Variants in IFT27 observed in about 807,000 individuals in gnomAD.
The protein encoded by IFT27 is intraflagellar transport 27.
IFT27 carries 19 observed loss-of-function variants against 23.9 expected under a neutral mutation model. The ratio of observed to expected loss-of-function variants is 0.79; its 90% CI spans 0.55 to 1.16. The LOEUF (loss-of-function observed/expected upper bound fraction) is 1.16, where lower values mean the gene tolerates loss of function less well. Among genes scored for constraint, IFT27 ranks in the 50% most tolerant of loss-of-function variants. IFT27 has a pLI of 0.00. For missense variants in IFT27, 206 were observed against 228.7 expected (o/e 0.90, Z 0.64); for synonymous variants, 91 against 89.1 (o/e 1.02, Z -0.12).
chr22:36,763,588 C>A, intron 5 of IFT27: 1 of 428,018 alleles, frequency 2.3e-6, no homozygotes, highest in Non-Finnish European at 4.4e-6. Flanking sequence ...TTTACTTGTA[C>A]CCCATATACA....
intron 6 of IFT27, chr22:36,761,767 T>C (rs549958924): frequency 6.6e-6 from 1 of 152,334 alleles, no homozygotes; most frequent in South Asian, 2.1e-4. Context: ...CCTTTACTGC[T>C]GTACTTTCCC....
At chr22:36,772,716 G>C (rs534136951) in intron 1 of IFT27, 3 of 984,762 alleles carry the variant, frequency 3.0e-6, no homozygotes, top group Non-Finnish European at 2.4e-6. Context: ...GGTGCTCAGC[G>C]AGTATCTGTT....
At chr22:36,762,235 G>A (rs1222002416) in intron 6 of IFT27, 1 of 152,266 alleles carries the variant, frequency 6.6e-6, no homozygotes, top group Non-Finnish European at 1.5e-5. Context: ...CAGGAAGCAG[G>A]TTCCTCAGTG....
intron 1 of IFT27, among the ~76,000 whole-genome samples, chr22:36,770,608 C>T (rs1348797789): frequency 6.6e-6 from 1 of 152,228 alleles, no homozygotes; most frequent in African/African-American, 2.4e-5. Context: ...CTGCCCCCAT[C>T]ACCCAAGCTT....
chr22:36,760,075 A>G (rs1938040687), intron 6 of IFT27: 1 of 152,270 alleles, frequency 6.6e-6, no homozygotes, highest in Non-Finnish European at 1.5e-5. Context: ...GTAAGCTCCC[A>G]ACAGCCAAGG....
Position 36,775,654 on chromosome 22 carries a change from G to A in IFT27, c.34+20C>T, listed in dbSNP as rs1377715879. On this transcript the variant is annotated intron_variant, in intron 1 of 6. Coordinates refer to ENST00000433985, the MANE Select transcript of IFT27 (RefSeq NM_001177701.3). The stretch of plus-strand genomic sequence containing the variant: ...GGACTCCAGAGACCACCGTATTCAA[G>A]CGCAAGTTTTCAGACTCACCTGCCA... 1.9e-6 allele frequency: 3 copies of A among 1,613,940 alleles called. No homozygotes were observed. The highest frequency in any genetic ancestry group is 3.3e-5 in the Admixed American group (2 of 60,022).
chr22:36,763,182 C>T lies in IFT27; in HGVS notation c.353-169G>A, dbSNP rs1938144595. Reference sequence around the variant, plus strand: ...AAAGCCGGGGGTCTCTCGTGATGGCCCCAAGGGCCACAGAGAGACAGGTGG... The same window carrying T: ...AAAGCCGGGGGTCTCTCGTGATGGCTCCAAGGGCCACAGAGAGACAGGTGG... On this transcript the variant is annotated intron_variant, in intron 5 of 6. Transcript: ENST00000433985. 7 of 466,150 alleles carry T rather than the reference C, an allele frequency of 1.5e-5. No homozygotes were observed. The Admixed American group carries it at 2.8e-4, about 19-fold the overall frequency. The allele number at this position is 466,150 out of a possible 1,614,324, so 28.9% of individuals were successfully genotyped here.
At chr22:36,772,844 C>A (rs1938415990) in intron 1 of IFT27, 2 of 945,504 alleles carry the variant, frequency 2.1e-6, no homozygotes, top group Non-Finnish European at 2.5e-6. Flanking sequence ...AAAAATAAAA[C>A]CAATGGCATG....
chr22:36,767,281 T>TC (rs1938276424), intron 3 of IFT27, 25 bp downstream of exon 3: 1 of 1,605,718 alleles, frequency 6.2e-7, no homozygotes, highest in Admixed American at 1.7e-5. Context: ...AGCCCTGAGT[T>TC]CCCCTGGGTA....
chr22:36,775,352 CTTTG>C (rs1344271722), intron 1 of IFT27, among the ~76,000 whole-genome samples: 1 of 151,462 alleles, frequency 6.6e-6, no homozygotes. Flanking sequence ...TTTGCTTAAG[CTTTG>C]TTTGTTTTGT....
intron 6 of IFT27, chr22:36,759,767 G>A (rs919425607): frequency 1.1e-4 from 16 of 152,242 alleles, no homozygotes; most frequent in African/African-American, 3.6e-4. Flanking sequence ...GGCATCAAGC[G>A]CGGTGCCTTC....
At chr22:36,773,352 T>C (rs1181295162) in intron 1 of IFT27, among the ~76,000 whole-genome samples, 1 of 136,458 alleles carries the variant, frequency 7.3e-6, no homozygotes, top group Non-Finnish European at 1.5e-5. Context: ...AGAGTGAAAT[T>C]ACGCCTCAAA....
intron 1 of IFT27, among the ~76,000 whole-genome samples, chr22:36,769,712 C>A (rs1224563917): frequency 6.6e-6 from 1 of 152,174 alleles, no homozygotes; most frequent in Non-Finnish European, 1.5e-5. Context: ...GCAACCACAG[C>A]CTAGACTGTC....
At chr22:36,768,838 A>G (rs1340494107) in intron 1 of IFT27, among the ~76,000 whole-genome samples, 2 of 152,172 alleles carry the variant, frequency 1.3e-5, no homozygotes, top group Non-Finnish European at 2.9e-5. Flanking sequence ...TCCACCGTCC[A>G]GGTCCTGGCA....
chr22:36,764,050 A>T lies in IFT27; in HGVS notation c.235-14T>A. 1 of 1,571,326 alleles carries T rather than the reference A, an allele frequency of 6.4e-7. No homozygotes were observed. The highest frequency in any genetic ancestry group is 8.8e-7 in the Non-Finnish European group (1 of 1,140,872). On this transcript the variant is annotated splice_polypyrimidine_tract_variant and intron_variant, in intron 4 of 6. Transcript: ENST00000433985. ...GGGACTCTCCCACTGTGCAAGAGGG[A>T]CAGGATGAGTATGGGTCAGTAACAG...
chr22:36,765,783 G>T (rs543074962), intron 4 of IFT27, among the ~76,000 whole-genome samples: 3 of 152,324 alleles, frequency 2.0e-5, no homozygotes, highest in Admixed American at 6.5e-5. Flanking sequence ...CTTCCCAGAG[G>T]GGGAGGAGGC....
At chr22:36,772,856 G>T in intron 1 of IFT27, 3 of 847,912 alleles carry the variant, frequency 3.5e-6, no homozygotes, top group Non-Finnish European at 4.3e-6. Context: ...AATGGCATGT[G>T]TGTGGTGGGG....
chr22:36,767,770 C>T lies in IFT27; in HGVS notation c.114+13G>A. 1 of 1,611,206 alleles carries T rather than the reference C, an allele frequency of 6.2e-7. No individual in the cohort carries two copies. ...TCTATAAGCTGTGGCCAGGTCTTGA[C>T]ACCCCAGCTCACCAGGGTGTAGCTT... is the stretch of plus-strand genomic sequence containing the variant. On this transcript the variant is annotated intron_variant, in intron 2 of 6. Coordinates refer to ENST00000433985, the MANE Select transcript of IFT27 (RefSeq NM_001177701.3).
chr22:36,768,427 C>T (rs946644002), intron 1 of IFT27: 3 of 252,836 alleles, frequency 1.2e-5, no homozygotes, highest in Admixed American at 1.0e-4. Flanking sequence ...GCTCCATCTC[C>T]ATCGCAGAAT....
Sources: allele counts gnomAD v4.1 joint callset (sites outside exome capture counted in the v4.1 genomes callset), GRCh38; gene constraint gnomAD v4.1.1; transcripts MANE v1.5; gene names NCBI Gene and HGNC (gene_info 2026-07-23, HGNC 2026-07-21).